Variants in NEBL observed in about 807,000 individuals in gnomAD.
NEBL encodes the protein LIM and SH3 protein 2.
A neutral mutation model predicts 140.2 loss-of-function variants in NEBL; 122 were observed. The ratio of observed to expected loss-of-function variants is 0.87; its 90% CI spans 0.75 to 1.01. The LOEUF (loss-of-function observed/expected upper bound fraction) is 1.01. Among genes scored for constraint, NEBL ranks in the 50% least tolerant of loss-of-function variants. NEBL has a pLI of 0.00. For missense variants in NEBL, 1,365 were observed against 1,231.3 expected (o/e 1.11, Z -1.62); for synonymous variants, 436 against 398.9 (o/e 1.09, Z -1.11).
At chr10:20,994,724 T>C (rs1310790247) in intron 3 of NEBL, among the ~76,000 whole-genome samples, 1 of 152,254 alleles carries the variant, frequency 6.6e-6, no homozygotes, top group Non-Finnish European at 1.5e-5. Flanking sequence ...CTATATTATA[T>C]ACTGTGTTCT....
At chr10:20,818,388 G>A (rs1198346980) in intron 20 of NEBL, among the ~76,000 whole-genome samples, 2 of 152,032 alleles carry the variant, frequency 1.3e-5, no homozygotes, top group African/African-American at 4.8e-5. Flanking sequence ...GAAACAAACA[G>A]TGCTGACCTC....
chr10:21,088,996 G>A (rs1335790482), intron 2 of NEBL, among the ~76,000 whole-genome samples: 8 of 152,166 alleles, frequency 5.3e-5, no homozygotes, highest in Non-Finnish European at 8.8e-5. Flanking sequence ...AGGGGAGATG[G>A]GTGAAATGAG....
rs11012620 is a variant in NEBL, at chr10:21,262,224, G to A, written n.183-10396C>T. ...GGCTCCAATGAACCCCAAGAATGAA[G>A]GACGCTGGCCTGAGGAAAATGTCGG... On this transcript the variant is annotated intron_variant and non_coding_transcript_variant, in intron 1 of 8. Coordinates refer to the NEBL transcript ENST00000675702. 7.4e-3 allele frequency among the ~76,000 whole-genome samples: 1,122 copies of A among 152,268 alleles called. 13 individuals carry two copies. Among genetic ancestry groups the A allele is most frequent in the African/African-American group, 0.026 (1,067 of 41,548 alleles).
chr10:20,928,816 G>A (rs1016388250), intron 4 of NEBL, among the ~76,000 whole-genome samples: 10 of 152,122 alleles, frequency 6.6e-5, no homozygotes, highest in African/African-American at 1.7e-4. Context: ...ATTAAAGCAC[G>A]CTTTTGTAGC....
intron 4 of NEBL, among the ~76,000 whole-genome samples, chr10:20,905,705 G>T (rs887730147): frequency 1.3e-5 from 2 of 152,130 alleles, no homozygotes; most frequent in Non-Finnish European, 2.9e-5. Context: ...CATCCAAAGA[G>T]CATTTGCAAA....
At chr10:20,868,585 TA>T in intron 7 of NEBL, 78 bp downstream of exon 7, 1 of 987,192 alleles carries the variant, frequency 1.0e-6, no homozygotes, top group Non-Finnish European at 1.6e-6. Context: ...AGATATTATC[TA>T]AAATGCAATA....
At chr10:21,011,660 A>T (rs1025953154) in intron 3 of NEBL, among the ~76,000 whole-genome samples, 1 of 138,108 alleles carries the variant, frequency 7.2e-6, no homozygotes, top group African/African-American at 3.3e-5. Context: ...ATCTGTTGGC[A>T]TCTGTGGCAT....
At chr10:21,238,716 T>TAAAAAAAA (rs35732687) in intron 3 of NEBL, among the ~76,000 whole-genome samples, 26 of 94,490 alleles carry the variant, frequency 2.8e-4, no homozygotes, top group East Asian at 1.2e-3. Flanking sequence ...TCAAAAAAAT[T>TAAAAAAAA]AAAAAAAAAA....
chr10:20,952,837 G>A (rs1214489619), intron 4 of NEBL, among the ~76,000 whole-genome samples: 4 of 146,730 alleles, frequency 2.7e-5, no homozygotes, highest in African/African-American at 7.5e-5. Context: ...CCCCGGAGGT[G>A]GAGGTTGCAG....
intron 4 of NEBL, among the ~76,000 whole-genome samples, chr10:20,926,617 A>T (rs1833926070): frequency 6.6e-6 from 1 of 152,178 alleles, no homozygotes. Flanking sequence ...CAGGAAAGAA[A>T]TCTGTCCCTC....
At chr10:21,041,117 G>A (rs1834249621) in intron 2 of NEBL, among the ~76,000 whole-genome samples, 1 of 152,180 alleles carries the variant, frequency 6.6e-6, no homozygotes, top group Admixed American at 6.5e-5. Flanking sequence ...TGGGTAGACT[G>A]TATGTCATGG....
At chr10:21,077,540 G>T (rs1836157766) in intron 2 of NEBL, among the ~76,000 whole-genome samples, 1 of 152,042 alleles carries the variant, frequency 6.6e-6, no homozygotes, top group Non-Finnish European at 1.5e-5. Context: ...CTGGGAGGTG[G>T]AGCTTGCAGT....
intron 9 of NEBL, 29 bp downstream of exon 9, chr10:20,858,211 C>A: frequency 6.5e-7 from 1 of 1,535,484 alleles, no homozygotes; most frequent in Non-Finnish European, 9.0e-7. Context: ...CACAAGGCAA[C>A]TACGGTTGCC....
intron 1 of NEBL, 42 bp from the exon 2 acceptor site, chr10:20,897,071 C>T (rs1156719121): frequency 6.2e-7 from 1 of 1,601,228 alleles, no homozygotes; most frequent in East Asian, 2.2e-5. Context: ...ACATTTTTCT[C>T]ATTGTCAATT....
intron 3 of NEBL, among the ~76,000 whole-genome samples, chr10:21,000,226 G>A (rs914472732): frequency 8.8e-6 from 1 of 113,256 alleles, no homozygotes; most frequent in Non-Finnish European, 1.8e-5. Context: ...GGCATGGGGG[G>A]CCAGAGGGGG....
At chr10:21,220,106 T>C (rs897766267) in intron 3 of NEBL, among the ~76,000 whole-genome samples, 3 of 152,058 alleles carry the variant, frequency 2.0e-5, no homozygotes, top group African/African-American at 7.2e-5. Flanking sequence ...AGAGGCAGGA[T>C]TTCACCATGT....
intron 4 of NEBL, among the ~76,000 whole-genome samples, chr10:20,917,586 A>T (rs547777073): frequency 1.9e-4 from 29 of 152,310 alleles, no homozygotes; most frequent in African/African-American, 7.0e-4. Flanking sequence ...GGATTTTGAG[A>T]CAATGTGGAT....
intron 3 of NEBL, among the ~76,000 whole-genome samples, chr10:21,180,893 G>A (rs1397951799): frequency 2.6e-5 from 4 of 152,154 alleles, no homozygotes; most frequent in Non-Finnish European, 5.9e-5. Context: ...TAGACAGGAT[G>A]TAGAAATGTG....
intron 3 of NEBL, among the ~76,000 whole-genome samples, chr10:21,013,686 T>C (rs987370098): frequency 6.6e-6 from 1 of 152,188 alleles, no homozygotes; most frequent in Admixed American, 6.5e-5. Context: ...GAGACCAGCC[T>C]GGCCAACATG....
Sources: allele counts gnomAD v4.1 joint callset (sites outside exome capture counted in the v4.1 genomes callset), GRCh38; gene constraint gnomAD v4.1.1; transcripts MANE v1.5; gene names NCBI Gene and HGNC (gene_info 2026-07-23, HGNC 2026-07-21).